The following GPAA1 variants were observed in gnomAD, a reference collection of about 807,000 sequenced individuals.
GPAA1 encodes the protein GPI-anchor transamidase component GPAA1.
Under a neutral mutation model 64.0 loss-of-function variants are expected in GPAA1, and 54 were observed. The ratio of observed to expected loss-of-function variants is 0.84; its 90% CI spans 0.68 to 1.06. The LOEUF is 1.06. Among genes scored for constraint, GPAA1 ranks in the 50% least tolerant of loss-of-function variants. The probability of loss-of-function intolerance (pLI) is 0.00; values close to 1 mark genes in which losing one functional copy is unlikely to be tolerated. For synonymous variants in GPAA1, 393 were observed against 377.3 expected (o/e 1.04, Z -0.48); for missense variants, 780 against 822.3 (o/e 0.95, Z 0.63).
At position 144,084,728 on chromosome 8, in the gene GPAA1, G is replaced by A; in HGVS notation, c.1017G>A (p.Leu339=). The A allele has an allele frequency of 6.2e-7, 1 of 1,613,806 alleles. No homozygotes were observed. Among genetic ancestry groups the A allele is most frequent in the Non-Finnish European group, 8.5e-7 (1 of 1,179,934 alleles). The change falls in exon 8 of 12, where the codon TTG becomes TTA. Residue 339 remains leucine, a synonymous_variant. Coordinates refer to ENST00000355091, the MANE Select transcript of GPAA1 (RefSeq NM_003801.4). ...CCTGCCCCACACCTGACAGGGCTTTGGAGGGCATGTTCCGCAAGCTCAACC... is the reference window on the plus strand; with the variant it reads ...CCTGCCCCACACCTGACAGGGCTTTAGAGGGCATGTTCCGCAAGCTCAACC... ...KYDLVAVGKA[L]EGMFRKLNHL... is the part of the protein sequence containing the mutation.
Position 144,085,090 on chromosome 8 carries a change from G to T in GPAA1, c.1212G>T (p.Glu404Asp), listed in dbSNP as rs782441091. 8 of 1,609,988 alleles carry T rather than the reference G, an allele frequency of 5.0e-6. No homozygotes were observed. The highest frequency in any genetic ancestry group is 3.4e-6 in the Non-Finnish European group (4 of 1,178,078). ...TGCATGAGGCTGGAATGGGCCTTGA[G>T]GAGCCCGGGGGTGCCCCTGGCCCCA... ...MQLHEAGMGLEEPGGAPGPSV... is the reference protein window; with the variant it reads ...MQLHEAGMGLDEPGGAPGPSV... The change falls in exon 9 of 12, where the codon GAG becomes GAT. Residue 404 changes from glutamate (E) to aspartate (D), a missense_variant. Physicochemically the swap from Glu to Asp is conservative, Grantham distance 45. Transcript: ENST00000355091.
At position 144,084,837 on chromosome 8, in the gene GPAA1, C is replaced by A; in HGVS notation, c.1126C>A (p.Pro376Thr). Residue 376 changes from proline (P) to threonine (T), a missense_variant, in exon 8 of 12, where the codon CCC becomes ACC. Transcript: ENST00000355091. ...CTTCGTCTCCATCGGCCTCTACATG[C>A]CCGCTGTCGGCTTCTTGCTCCTGGT... ...SRFVSIGLYM[P>T]AVGFLLLVLG... 1 of 1,613,634 alleles carries A rather than the reference C, an allele frequency of 6.2e-7. No individual in the cohort carries two copies. Among genetic ancestry groups the A allele is most frequent in the Non-Finnish European group, 8.5e-7 (1 of 1,179,988 alleles).
At position 144,082,817 on chromosome 8, in the gene GPAA1, C is replaced by T; in HGVS notation, c.74+13C>T. On this transcript the variant is annotated intron_variant, in intron 1 of 11. Coordinates refer to ENST00000355091, the MANE Select transcript of GPAA1 (RefSeq NM_003801.4). ...ACGCGCCGTTGTGGTGAGGACAGGG[C>T]CCGGGGAGGCGGGGACCCGAGGGCC... 7.1e-7 allele frequency: 1 copy of T among 1,410,640 alleles called. No individual in the cohort carries two copies. Among genetic ancestry groups the T allele is most frequent in the Non-Finnish European group, 9.2e-7 (1 of 1,088,584 alleles). The allele number at this position is 1,410,640 out of a possible 1,614,324, so 87.4% of individuals were successfully genotyped here.
chr8:144,085,014 C>T (rs1835973655), intron 8 of GPAA1, 29 bp from the exon 9 acceptor site: 2 of 1,584,190 alleles, frequency 1.3e-6, no homozygotes, highest in Non-Finnish European at 1.7e-6. Context: ...TCCCGTTACA[C>T]CTCTTGTTGG....
Position 144,085,703 on chromosome 8 carries a change from A to C in GPAA1, c.1582A>C (p.Met528Leu). ...ACTGGGCTTCCTGCTGGCCACCACCATGGTGCCCACTGCTGCGCTTGCCAA... is the reference window on the plus strand; with the variant it reads ...ACTGGGCTTCCTGCTGGCCACCACCCTGGTGCCCACTGCTGCGCTTGCCAA... ...FSLGFLLATT[M>L]VPTAALAKPH... Residue 528 changes from methionine to leucine, a missense_variant, in exon 11 of 12, where the codon ATG becomes CTG. Physicochemically the swap from Met to Leu is conservative, Grantham distance 15. Transcript: ENST00000355091. 1 of 1,613,434 alleles carries C rather than the reference A, an allele frequency of 6.2e-7. No individual in the cohort carries two copies. The highest frequency in any genetic ancestry group is 8.5e-7 in the Non-Finnish European group (1 of 1,179,936).
chr8:144,083,323 G>C lies in GPAA1; in HGVS notation c.254+20G>C, dbSNP rs782658390. Reference sequence around the variant, plus strand: ...GTCGGGGTGAGCGGCAGAGCAGGGCGTATGGGGCGAGCAGTGGTGGCTAAG... The same window carrying C: ...GTCGGGGTGAGCGGCAGAGCAGGGCCTATGGGGCGAGCAGTGGTGGCTAAG... On this transcript the variant is annotated intron_variant, in intron 2 of 11. Transcript: ENST00000355091. 6.2e-7 allele frequency: 1 copy of C among 1,610,356 alleles called. No individual in the cohort carries two copies. The highest frequency in any genetic ancestry group is 8.5e-7 in the Non-Finnish European group (1 of 1,177,884).
chr8:144,084,128 C>G lies in GPAA1; in HGVS notation c.617-6C>G, dbSNP rs373788399. ...TCCATTAGCACTCATTCACTTGCTC[C>G]TACAGGCATGCAGTCGTCTCCCCTG... On this transcript the variant is annotated splice_polypyrimidine_tract_variant and splice_region_variant and intron_variant, in intron 5 of 11. Coordinates refer to ENST00000355091, the MANE Select transcript of GPAA1 (RefSeq NM_003801.4). 1.2e-6 allele frequency: 2 copies of G among 1,613,404 alleles called. No homozygotes were observed. Among genetic ancestry groups the G allele is most frequent in the Admixed American group, 3.3e-5 (2 of 60,008 alleles).
At chr8:144,082,885 G>C in intron 1 of GPAA1, 81 bp downstream of exon 1, 1 of 1,153,614 alleles carries the variant, frequency 8.7e-7, no homozygotes. Flanking sequence ...CCCATCGAGG[G>C]CCGGGGCCGC....
Position 144,083,990 on chromosome 8 carries a change from T to C in GPAA1, c.566T>C (p.Leu189Pro). 6.2e-7 allele frequency: 1 copy of C among 1,614,078 alleles called. No homozygotes were observed. Among genetic ancestry groups the C allele is most frequent in the South Asian group, 1.1e-5 (1 of 91,084 alleles). ...GTCTTCCTGGTAACAGAACATGACC[T>C]TCTGGGCACTGAGGCTTGGCTTGAA... is the stretch of plus-strand genomic sequence containing the variant. Reference protein sequence around the residue: ...DIVFLVTEHDLLGTEAWLEAY... With the variant: ...DIVFLVTEHDPLGTEAWLEAY... Residue 189 changes from leucine to proline, a missense_variant, in exon 5 of 12, where the codon CTT becomes CCT. Leu to Pro is a moderately conservative substitution (Grantham distance 98). Coordinates refer to ENST00000355091, the MANE Select transcript of GPAA1 (RefSeq NM_003801.4).
chr8:144,084,787 T>A lies in GPAA1; in HGVS notation c.1076T>A (p.Leu359His). Reference protein sequence around the residue: ...LLERLHQSFFLYLLPGLSRFV... With the variant: ...LLERLHQSFFHYLLPGLSRFV... ...GAGCGCCTGCACCAGTCCTTCTTCC[T>A]CTACTTGCTCCCCGGCCTCTCCCGC... is the stretch of plus-strand genomic sequence containing the variant. The change falls in exon 8 of 12, where the codon CTC (leucine) becomes CAC (histidine). Residue 359 changes from leucine (L) to histidine (H), a missense_variant. Physicochemically the swap from Leu to His is moderately conservative, Grantham distance 99 (BLOSUM62 -3). Coordinates refer to ENST00000355091, the MANE Select transcript of GPAA1 (RefSeq NM_003801.4). The A allele has an allele frequency of 6.2e-7, 1 of 1,613,840 alleles. No homozygotes were observed. Among genetic ancestry groups the A allele is most frequent in the Non-Finnish European group, 8.5e-7 (1 of 1,179,962 alleles).
At position 144,083,506 on chromosome 8, in the gene GPAA1, G is replaced by A. The variant is rs1835942690; in HGVS notation, c.366+6G>A. ...ATGAGACCCACGAGCGCTATGTACT[G>A]GGGGAGTGGGGTGTGCCTGGGCCCA... On this transcript the variant is annotated splice_donor_region_variant and intron_variant, in intron 3 of 11. Coordinates refer to ENST00000355091, the MANE Select transcript of GPAA1 (RefSeq NM_003801.4). The A allele has an allele frequency of 1.9e-6, 3 of 1,600,538 alleles. No individual in the cohort carries two copies. The highest frequency in any genetic ancestry group is 2.6e-6 in the Non-Finnish European group (3 of 1,167,788).
In GPAA1 at chr8:144,085,140, T is replaced by A. The variant is rs1554764163; in HGVS notation, c.1260+2T>A. ...AGTGTACCCCTTCCCCCATCACAGG[T>A]GATGGCACCCCCTTCTGTTGTTGGA... On this transcript the variant is annotated splice_donor_variant, in intron 9 of 11. Transcript: ENST00000355091. LOFTEE classifies it high-confidence loss of function. 6.5e-7 allele frequency: 1 copy of A among 1,547,910 alleles called. No individual in the cohort carries two copies. The highest frequency in any genetic ancestry group is 1.9e-5 in the Admixed American group (1 of 53,862).
At position 144,083,935 on chromosome 8, in the gene GPAA1, C is replaced by G; in HGVS notation, c.515-4C>G. The G allele has an allele frequency of 6.2e-7, 1 of 1,613,600 alleles. No individual in the cohort carries two copies. The highest frequency in any genetic ancestry group is 8.5e-7 in the Non-Finnish European group (1 of 1,179,568). On this transcript the variant is annotated splice_polypyrimidine_tract_variant and splice_region_variant and intron_variant, in intron 4 of 11. Coordinates refer to ENST00000355091, the MANE Select transcript of GPAA1 (RefSeq NM_003801.4). Reference sequence around the variant, plus strand: ...ACCCTGCTGATCCTGCTTCTGGCCTCCAGGGCAGATTTATTGGGCCAAAGA... The same window carrying G: ...ACCCTGCTGATCCTGCTTCTGGCCTGCAGGGCAGATTTATTGGGCCAAAGA...
At chr8:144,083,102 G>T (rs782515469) in intron 1 of GPAA1, 22 bp from the exon 2 acceptor site, 1 of 1,601,422 alleles carries the variant, frequency 6.2e-7, no homozygotes. Flanking sequence ...ACGCTCCGGT[G>T]CCCCTCCGTC....
At chr8:144,084,103 T>A (rs1835953950) in intron 5 of GPAA1, 31 bp from the exon 6 acceptor site, 1 of 1,611,150 alleles carries the variant, frequency 6.2e-7, no homozygotes, top group Non-Finnish European at 8.5e-7. Flanking sequence ...CACCACGTCC[T>A]CCATTAGCAC....
chr8:144,083,721 C>G lies in GPAA1; in HGVS notation c.374C>G (p.Ser125Trp), dbSNP rs1835946226. The G allele has an allele frequency of 6.2e-7, 1 of 1,602,056 alleles. No homozygotes were observed. Among genetic ancestry groups the G allele is most frequent in the African/African-American group, 1.3e-5 (1 of 74,916 alleles). The change falls in exon 4 of 12, where the codon TCG becomes TGG. Residue 125 changes from serine (S) to tryptophan (W), a missense_variant. Ser to Trp is a radical substitution (Grantham distance 177, BLOSUM62 -3). Coordinates refer to ENST00000355091, the MANE Select transcript of GPAA1 (RefSeq NM_003801.4). ...CACCGATGCTGCATACAGATGGTGTCGGGCACCAACGTGTACGGCATCCTG... is the reference window on the plus strand; with the variant it reads ...CACCGATGCTGCATACAGATGGTGTGGGGCACCAACGTGTACGGCATCCTG... ...PDETHERYMV[S>W]GTNVYGILRA... is the part of the protein sequence containing the mutation.
At position 144,083,379 on chromosome 8, in the gene GPAA1, G is replaced by C. The variant is rs1554763819; in HGVS notation, c.255-10G>C. On this transcript the variant is annotated splice_polypyrimidine_tract_variant and intron_variant, in intron 2 of 11. Transcript: ENST00000355091. The stretch of plus-strand genomic sequence containing the variant: ...GGAGCTCTGCTCAGAGGCTCCCTTC[G>C]TGTCTGCAGGGCTCTGCCAGTGGCC... 6.2e-7 allele frequency: 1 copy of C among 1,612,618 alleles called. No individual in the cohort carries two copies. The highest frequency in any genetic ancestry group is 2.2e-5 in the East Asian group (1 of 44,874).
chr8:144,082,782 C>T lies in GPAA1; in HGVS notation c.52C>T (p.Leu18=). ...VRRRALARLV[L]RLNAPLCVLS... ...CCGGCGCGCGCTCGCCCGCCTAGTG[C>T]TGCGCCTCAACGCGCCGTTGTGGTG... Residue 18 remains leucine (L), a synonymous_variant, in exon 1 of 12, where the codon CTG becomes TTG. Transcript: ENST00000355091. 1 of 1,466,652 alleles carries T rather than the reference C, an allele frequency of 6.8e-7. No individual in the cohort carries two copies. The highest frequency in any genetic ancestry group is 9.0e-7 in the Non-Finnish European group (1 of 1,115,662). The allele number at this position is 1,466,652 out of a possible 1,614,324, so 90.9% of individuals were successfully genotyped here. A position where few individuals can be genotyped will look rare whatever the true frequency, so the allele number is the denominator to read the frequency against.
At position 144,083,424 on chromosome 8, in the gene GPAA1, G is replaced by C. The variant is rs782292406; in HGVS notation, c.290G>C (p.Arg97Pro). 1.9e-5 allele frequency: 31 copies of C among 1,613,538 alleles called. No homozygotes were observed. The highest frequency in any genetic ancestry group is 2.5e-5 in the Non-Finnish European group (29 of 1,179,962). The change falls in exon 3 of 12, where the codon CGG becomes CCG. Residue 97 changes from arginine to proline, a missense_variant. Arg to Pro is a moderately radical substitution (Grantham distance 103). Coordinates refer to ENST00000355091, the MANE Select transcript of GPAA1 (RefSeq NM_003801.4). ...GTGGCCTGGCTTGAACGGACGATGC[G>C]GTCAGTAGGGCTGGAGGTCTACACG... ...LPVAWLERTM[R>P]SVGLEVYTQS...
Sources: gnomAD v4.1 joint callset for allele counts on GRCh38, gnomAD v4.1.1 for gene constraint, MANE v1.5 for transcripts, NCBI Gene and HGNC (gene_info 2026-07-23, HGNC 2026-07-21) for gene names.